Variants in SAE1 observed in about 807,000 individuals in gnomAD.
SAE1 encodes the protein SUMO-activating enzyme subunit 1.
Under a neutral mutation model 40.6 loss-of-function variants are expected in SAE1, and 11 were observed. The observed-to-expected ratio is 0.27, with a 90% CI of 0.17 to 0.45. The LOEUF (loss-of-function observed/expected upper bound fraction) is 0.45. SAE1 is among the 20% of genes least tolerant of loss of function. The pLI, the probability that SAE1 is intolerant of heterozygous loss-of-function variation, is 1.00. For synonymous variants in SAE1, 155 were observed against 154.3 expected, an observed-to-expected ratio of 1.00 and a Z score of -0.03; for missense variants, 373 against 427.3, an observed-to-expected ratio of 0.87 and a Z score of 1.12.
intron 5 of SAE1, among the ~76,000 whole-genome samples, chr19:47,164,287 G>A (rs1297626457): frequency 1.3e-5 from 2 of 152,004 alleles, no homozygotes; most frequent in Non-Finnish European, 2.9e-5. Context: ...TCCTGCCTCA[G>A]CCTCCCGAGT....
At position 47,209,300 on chromosome 19, in the gene SAE1, G is replaced by A; in HGVS notation, c.*49G>A. 1 of 1,613,926 alleles carries A rather than the reference G, an allele frequency of 6.2e-7. No individual in the cohort carries two copies. The highest frequency in any genetic ancestry group is 1.7e-5 in the Admixed American group (1 of 59,974). ...GATGCCAACTGCAGCATGCCCACCT[G>A]TATTCCCTGTCCCCTTCCTTCATGA... is the stretch of plus-strand genomic sequence containing the variant. On this transcript the variant is annotated 3_prime_UTR_variant, in exon 9 of 9. Transcript: ENST00000270225.
At chr19:47,185,589 G>A (rs927302330) in intron 6 of SAE1, among the ~76,000 whole-genome samples, 4 of 151,146 alleles carry the variant, frequency 2.6e-5, no homozygotes, top group African/African-American at 7.3e-5. Flanking sequence ...TACAGGCTGA[G>A]CTACTGCGCC....
intron 6 of SAE1, among the ~76,000 whole-genome samples, chr19:47,191,204 A>C (rs560949857): frequency 1.4e-4 from 22 of 152,300 alleles, no homozygotes; most frequent in African/African-American, 5.1e-4. Flanking sequence ...TAAGGTCAGA[A>C]GTTCGAGACC....
chr19:47,182,494 T>TGG (rs1195553514), intron 6 of SAE1, among the ~76,000 whole-genome samples: 1 of 137,316 alleles, frequency 7.3e-6, no homozygotes, highest in Non-Finnish European at 1.5e-5. Flanking sequence ...TGTGTGTGTG[T>TGG]GTGCGCGCAC....
intron 6 of SAE1, among the ~76,000 whole-genome samples, chr19:47,181,705 C>T (rs2058507551): frequency 6.7e-6 from 1 of 150,256 alleles, no homozygotes; most frequent in Non-Finnish European, 1.5e-5. Flanking sequence ...TCTCGAACTC[C>T]TAGCCTCAGG....
chr19:47,150,338 A>T lies in SAE1; in HGVS notation c.347A>T (p.Glu116Val), dbSNP rs749211023. 5.6e-6 allele frequency: 9 copies of T among 1,604,566 alleles called. No individual in the cohort carries two copies. Among genetic ancestry groups the T allele is most frequent in the Admixed American group, 5.3e-5 (3 of 57,076 alleles). Residue 116 changes from glutamate (E) to valine (V), a missense_variant, in exon 3 of 9, where the codon GAG becomes GTG. Coordinates refer to ENST00000270225, the MANE Select transcript of SAE1 (RefSeq NM_005500.3). Reference protein sequence around the residue: ...VDVKVDTEDIEKKPESFFTQF... With the variant: ...VDVKVDTEDIVKKPESFFTQF... ...GTGAAGGTGGACACTGAGGATATAG[A>T]GAAGAAACCAGAGTCATTTTTCACT...
intron 7 of SAE1, among the ~76,000 whole-genome samples, chr19:47,199,082 G>C (rs1379993237): frequency 6.6e-6 from 1 of 151,524 alleles, no homozygotes; most frequent in East Asian, 1.9e-4. Context: ...GAGAGAGACC[G>C]TGTCTCAATA....
chr19:47,203,440 G>A (rs987345035), intron 7 of SAE1, among the ~76,000 whole-genome samples: 2 of 152,168 alleles, frequency 1.3e-5, no homozygotes, highest in Admixed American at 6.5e-5. Context: ...TAAAAGTATT[G>A]TGAAAGAATT....
intron 2 of SAE1, among the ~76,000 whole-genome samples, chr19:47,143,932 T>G (rs745819379): frequency 2.0e-5 from 3 of 152,146 alleles, no homozygotes; most frequent in Non-Finnish European, 4.4e-5. Context: ...ATGACCTGAG[T>G]GACTAACTGA....
chr19:47,149,474 A>G (rs889923210), intron 2 of SAE1, among the ~76,000 whole-genome samples: 1 of 152,058 alleles, frequency 6.6e-6, no homozygotes, highest in African/African-American at 2.4e-5. Context: ...CCCTGCCCAC[A>G]CTGGTCTAGT....
At chr19:47,208,826 G>A (rs2058698742) in intron 8 of SAE1, among the ~76,000 whole-genome samples, 1 of 152,212 alleles carries the variant, frequency 6.6e-6, no homozygotes, top group Non-Finnish European at 1.5e-5. Context: ...CAAAGTGCTG[G>A]GATTACAGGT....
At chr19:47,186,947 G>A (rs935506097) in intron 6 of SAE1, among the ~76,000 whole-genome samples, 10 of 152,170 alleles carry the variant, frequency 6.6e-5, no homozygotes, top group East Asian at 1.9e-4. Flanking sequence ...TGAGCTCCGC[G>A]TGTGAGGGCA....
At chr19:47,140,374 G>A (rs2058213594) in intron 1 of SAE1, among the ~76,000 whole-genome samples, 2 of 152,074 alleles carry the variant, frequency 1.3e-5, no homozygotes, top group African/African-American at 4.8e-5. Flanking sequence ...CCAAAGTGCT[G>A]GGATTACAGG....
chr19:47,209,013 T>A (rs1304910484), intron 8 of SAE1, 146 bp from the exon 9 acceptor site: 1 of 644,644 alleles, frequency 1.6e-6, no homozygotes, highest in Admixed American at 2.8e-5. Context: ...CAATCAAAAT[T>A]GTCTCCAGAC....
In SAE1 at chr19:47,143,518, T is replaced by C. The variant is rs1376873043; in HGVS notation, c.123T>C (p.Leu41=). 8 of 1,614,054 alleles carry C rather than the reference T, an allele frequency of 5.0e-6. No individual in the cohort carries two copies. The highest frequency in any genetic ancestry group is 5.9e-6 in the Non-Finnish European group (7 of 1,180,044). Residue 41 remains leucine (L), a synonymous_variant, in exon 2 of 9, where the codon CTT becomes CTC. Coordinates refer to ENST00000270225, the MANE Select transcript of SAE1 (RefSeq NM_005500.3). ...QKRLRASRVL[L]VGLKGLGAEI... Reference sequence around the variant, plus strand: ...GGCTGCGGGCCTCTCGGGTGCTTCTTGTCGGCTTGAAAGGACTTGGGGCTG... The same window carrying C: ...GGCTGCGGGCCTCTCGGGTGCTTCTCGTCGGCTTGAAAGGACTTGGGGCTG...
chr19:47,201,323 A>G (rs1161132235), intron 7 of SAE1, among the ~76,000 whole-genome samples: 1 of 136,512 alleles, frequency 7.3e-6, no homozygotes, highest in East Asian at 2.2e-4. Context: ...CTGGGATTAC[A>G]GGCATGAGCC....
Position 47,169,917 on chromosome 19 carries a change from C to G in SAE1, c.727C>G (p.Leu243Val), listed in dbSNP as rs148961061. 11 of 1,612,808 alleles carry G rather than the reference C, an allele frequency of 6.8e-6. No homozygotes were observed. Among genetic ancestry groups the G allele is most frequent in the African/African-American group, 1.3e-5 (1 of 74,894 alleles). Residue 243 changes from leucine to valine, a missense_variant, in exon 6 of 9, where the codon CTT becomes GTT. This residue lies in a region of SAE1 where 351 missense variants were observed against 390.6 expected (regional missense o/e 0.90). Coordinates refer to ENST00000270225, the MANE Select transcript of SAE1 (RefSeq NM_005500.3). ...GCGCACGACCTCCGACTACTTTCTC[C>G]TTCAAGGTGAGGTCTCAAAGCACAA... Reference protein sequence around the residue: ...LKRTTSDYFLLQVLLKFRTDK... With the variant: ...LKRTTSDYFLVQVLLKFRTDK...
At chr19:47,174,960 C>T (rs1401559561) in intron 6 of SAE1, among the ~76,000 whole-genome samples, 2 of 152,042 alleles carry the variant, frequency 1.3e-5, no homozygotes, top group Non-Finnish European at 2.9e-5. Flanking sequence ...CCTCCTGCCT[C>T]GGTCTCCCAA....
rs186974722 is a variant in SAE1, at chr19:47,175,620, C to T, written c.733+5697C>T. Among the ~76,000 whole-genome samples, 76 of 152,244 alleles carry T rather than the reference C, an allele frequency of 5.0e-4. No homozygotes were observed. The Middle Eastern group carries it at 0.01, about 20-fold the overall frequency. Reference sequence around the variant, plus strand: ...AGGCATGGTGGCACATGCCTGTAGTCCCAGCTACTTGGGAGGCTGAGGTGA... The same window carrying T: ...AGGCATGGTGGCACATGCCTGTAGTTCCAGCTACTTGGGAGGCTGAGGTGA... On this transcript the variant is annotated intron_variant, in intron 6 of 8. Coordinates refer to ENST00000270225, the MANE Select transcript of SAE1 (RefSeq NM_005500.3).
Sources: allele counts gnomAD v4.1 joint callset (sites outside exome capture counted in the v4.1 genomes callset), GRCh38; gene constraint gnomAD v4.1.1; regional missense constraint gnomAD v4.1.1; transcripts MANE v1.5; gene names NCBI Gene and HGNC (gene_info 2026-07-23, HGNC 2026-07-21).